The following PIGW variants were observed in gnomAD, a reference collection of about 807,000 sequenced individuals.
PIGW encodes the protein glucosaminyl-phosphatidylinositol-acyltransferase PIGW.
Under a neutral mutation model 34.0 loss-of-function variants are expected in PIGW, and 23 were observed. The observed-to-expected ratio is 0.68, with a 90% CI of 0.49 to 0.96. PIGW has a LOEUF of 0.96. Among genes scored for constraint, PIGW ranks in the 40% least tolerant of loss-of-function variants. The probability of loss-of-function intolerance (pLI) is 0.00; values close to 1 mark genes in which losing one functional copy is unlikely to be tolerated. For missense variants in PIGW, 574 were observed against 586.3 expected (o/e 0.98, Z 0.22); for synonymous variants, 225 against 225.2 (o/e 1.00, Z 0.01).
rs200501473 is a variant in PIGW, at chr17:36,537,492, T to A, written c.391T>A (p.Cys131Ser). 1.9e-6 allele frequency: 3 copies of A among 1,614,218 alleles called. No homozygotes were observed. Among genetic ancestry groups the A allele is most frequent in the East Asian group, 4.5e-5 (2 of 44,884 alleles). Reference sequence around the variant, plus strand: ...ATCAGAATACAATCCAGCCATCTCCTGTTTCCGTGTAATTACCAGTGCGTT... The same window carrying A: ...ATCAGAATACAATCCAGCCATCTCCAGTTTCCGTGTAATTACCAGTGCGTT... Reference protein sequence around the residue: ...LESEYNPAISCFRVITSAFTA... With the variant: ...LESEYNPAISSFRVITSAFTA... Residue 131 changes from cysteine (C) to serine (S), a missense_variant, in exon 2 of 2, where the codon TGT (cysteine) becomes AGT (serine). By Grantham distance (112) the Cys-to-Ser change is moderately radical (BLOSUM62 -1). Transcript: ENST00000614443.
chr17:36,537,140 C>T lies in PIGW; in HGVS notation c.39C>T (p.Asn13=), dbSNP rs2074151207. ...EKQMKEAFVS[N]LNGTTVLEIT... ...AGATGAAGGAAGCTTTTGTCAGTAA[C>T]CTCAATGGAACCACCGTGCTGGAAA... The change falls in exon 2 of 2, where the codon AAC becomes AAT. Residue 13 remains asparagine, a synonymous_variant. Transcript: ENST00000614443. 3.7e-6 allele frequency: 6 copies of T among 1,609,906 alleles called. No individual in the cohort carries two copies. The highest frequency in any genetic ancestry group is 5.1e-6 in the Non-Finnish European group (6 of 1,178,488).
chr17:36,537,257 C>T lies in PIGW; in HGVS notation c.156C>T (p.Thr52=). 1.2e-6 allele frequency: 2 copies of T among 1,614,030 alleles called. No homozygotes were observed. Among genetic ancestry groups the T allele is most frequent in the South Asian group, 1.1e-5 (1 of 91,084 alleles). The change falls in exon 2 of 2, where the codon ACC becomes ACT. Residue 52 remains threonine, a synonymous_variant. Transcript: ENST00000614443. The stretch of plus-strand genomic sequence containing the variant: ...AGTACTTGTGTTCTTTTTCACCTAC[C>T]TGGAAAACTAGATTCCTCACTGACT... The part of the protein sequence containing the change: ...FSQYLCSFSP[T]WKTRFLTDFV...
chr17:36,537,768 A>G lies in PIGW; in HGVS notation c.667A>G (p.Ile223Val), dbSNP rs1005440783. The G allele has an allele frequency of 1.2e-6, 2 of 1,614,066 alleles. No individual in the cohort carries two copies. Among genetic ancestry groups the G allele is most frequent in the African/African-American group, 1.3e-5 (1 of 74,934 alleles). ...CGGACGATTAGCCATTATAAAATCA[A>G]TAGGCTATCAGGAACATTTAACAGA... ...GIGRLAIIKS[I>V]GYQEHLTEYG... The change falls in exon 2 of 2, where the codon ATA (isoleucine) becomes GTA (valine). Residue 223 changes from isoleucine (I) to valine (V), a missense_variant. Coordinates refer to ENST00000614443, the MANE Select transcript of PIGW (RefSeq NM_001346754.2).
At chr17:36,536,025 G>A (rs923121095) in intron 1 of PIGW, among the ~76,000 whole-genome samples, 10 of 152,040 alleles carry the variant, frequency 6.6e-5, no homozygotes, top group African/African-American at 2.4e-4. Context: ...TTCAGCTCAT[G>A]GTACATTTAG....
chr17:36,538,402 T>C lies in PIGW; in HGVS notation c.1301T>C (p.Met434Thr). ...SESLVPEAER[M>T]EPSLCLITAL... ...TCTCTAGTCCCTGAAGCCGAAAGAA[T>C]GGAACCCAGTCTTTGTTTAATCACA... The change falls in exon 2 of 2, where the codon ATG becomes ACG. Residue 434 changes from methionine (M) to threonine (T), a missense_variant. Coordinates refer to ENST00000614443, the MANE Select transcript of PIGW (RefSeq NM_001346754.2). The C allele has an allele frequency of 6.2e-7, 1 of 1,614,150 alleles. No homozygotes were observed.
chr17:36,537,547 TC>T lies in PIGW; in HGVS notation c.449del (p.Pro150HisfsTer22), dbSNP rs760624113. The T allele has an allele frequency of 6.2e-7, 1 of 1,614,218 alleles. No homozygotes were observed. The highest frequency in any genetic ancestry group is 1.1e-5 in the South Asian group (1 of 91,082). ...GCTATTGCTATTTTGGCTGTGGACT[TC>T]CCACTTTTTCCCAGAAGATTTGCCA... ...FTAIAILAVD[F>X]PLFPRRFAKT... On this transcript the variant is annotated frameshift_variant, in exon 2 of 2. Transcript: ENST00000614443. LOFTEE classifies it high-confidence loss of function.
At chr17:36,536,153 A>G (rs1013161505) in intron 1 of PIGW, among the ~76,000 whole-genome samples, 2 of 152,228 alleles carry the variant, frequency 1.3e-5, no homozygotes, top group African/African-American at 2.4e-5. Flanking sequence ...AACTAACACT[A>G]GTATGTGCTA....
rs1443321558 is a variant in PIGW, at chr17:36,537,123, G to A, written c.22G>A (p.Glu8Lys). The change falls in exon 2 of 2, where the codon GAA becomes AAA. Residue 8 changes from glutamate (E) to lysine (K), a missense_variant. Coordinates refer to ENST00000614443, the MANE Select transcript of PIGW (RefSeq NM_001346754.2). ...AAAAATGTCTGAAAAGCAGATGAAG[G>A]AAGCTTTTGTCAGTAACCTCAATGG... MSEKQMK[E>K]AFVSNLNGTT... 1 of 1,593,842 alleles carries A rather than the reference G, an allele frequency of 6.3e-7. No homozygotes were observed. Among genetic ancestry groups the A allele is most frequent in the South Asian group, 1.1e-5 (1 of 87,820 alleles).
rs761430333 is a variant in PIGW, at chr17:36,538,617, TCAG to T, written c.*5_*7del. On this transcript the variant is annotated 3_prime_UTR_variant, in exon 2 of 2. Coordinates refer to ENST00000614443, the MANE Select transcript of PIGW (RefSeq NM_001346754.2). ...AGATAAGACTGTACAATTTTGGTGATCAGCAGGAGTAGGATATATAAGTATTTG... is the reference window on the plus strand; with the variant it reads ...AGATAAGACTGTACAATTTTGGTGATCAGGAGTAGGATATATAAGTATTTG... 5.7e-6 allele frequency: 9 copies of T among 1,576,318 alleles called. No individual in the cohort carries two copies. Among genetic ancestry groups the T allele is most frequent in the East Asian group, 4.5e-5 (2 of 44,532 alleles).
At chr17:36,536,524 CTTTTTTTTTTTT>C (rs10715370) in intron 1 of PIGW, among the ~76,000 whole-genome samples, 1 of 125,532 alleles carries the variant, frequency 8.0e-6, no homozygotes, top group South Asian at 2.5e-4. Flanking sequence ...TTTTCTTTTC[CTTTTTTTTTTTT>C]TTTTTTTGAG....
rs371978705 is a variant in PIGW at position 36,538,580 on chromosome 17, A to C, written c.1479A>C (p.Val493=). 6.8e-6 allele frequency: 11 copies of C among 1,612,644 alleles called. No individual in the cohort carries two copies. The African/African-American group carries it at 1.3e-4, about 20-fold the overall frequency. Reference sequence around the variant, plus strand: ...TTTCCAACTGTTTAATTGTATATGTACTATATTTGCAAGATAAGACTGTAC... The same window carrying C: ...TTTCCAACTGTTTAATTGTATATGTCCTATATTTGCAAGATAAGACTGTAC... ...YMFSNCLIVY[V]LYLQDKTVQF... The change falls in exon 2 of 2, where the codon GTA becomes GTC. Residue 493 remains valine, a synonymous_variant. Coordinates refer to ENST00000614443, the MANE Select transcript of PIGW (RefSeq NM_001346754.2).
intron 1 of PIGW, among the ~76,000 whole-genome samples, chr17:36,536,367 A>T (rs2074122916): frequency 6.6e-6 from 1 of 152,148 alleles, no homozygotes; most frequent in Admixed American, 6.5e-5. Context: ...TAGCGTTTGA[A>T]TTTGCTTTAA....
Position 36,538,714 on chromosome 17 carries a change from T to C in PIGW, c.*98T>C. The C allele has an allele frequency of 9.8e-7, 1 of 1,022,130 alleles. No homozygotes were observed. The highest frequency in any genetic ancestry group is 1.4e-6 in the Non-Finnish European group (1 of 707,080). The allele number at this position is 1,022,130 out of a possible 1,614,324, so 63.3% of individuals were successfully genotyped here. A position where few individuals can be genotyped will look rare whatever the true frequency, so the allele number is the denominator to read the frequency against. On this transcript the variant is annotated 3_prime_UTR_variant, in exon 2 of 2. Coordinates refer to ENST00000614443, the MANE Select transcript of PIGW (RefSeq NM_001346754.2). ...TTTGGCAACAGTGTTAACCATATTT[T>C]ATTATAAAATAGTTTCAGTCATCTA...
chr17:36,538,305 A>C lies in PIGW; in HGVS notation c.1204A>C (p.Ile402Leu). The change falls in exon 2 of 2, where the codon ATT (isoleucine) becomes CTT (leucine). Residue 402 changes from isoleucine (I) to leucine (L), a missense_variant. Physicochemically the swap from Ile to Leu is conservative, Grantham distance 5 (BLOSUM62 2). Coordinates refer to ENST00000614443, the MANE Select transcript of PIGW (RefSeq NM_001346754.2). ...AATTTTGAGTTTTGCCAAATTTCTA[A>C]TTAAAGGAGCTCTAGTACCATGTTC... is the stretch of plus-strand genomic sequence containing the variant. ...DIILSFAKFL[I>L]KGALVPCSWK... The C allele has an allele frequency of 6.2e-7, 1 of 1,613,550 alleles. No homozygotes were observed. Among genetic ancestry groups the C allele is most frequent in the African/African-American group, 1.3e-5 (1 of 74,942 alleles).
At chr17:36,536,410 A>G (rs977868362) in intron 1 of PIGW, among the ~76,000 whole-genome samples, 11 of 152,202 alleles carry the variant, frequency 7.2e-5, no homozygotes, top group African/African-American at 2.7e-4. Context: ...ATTTGCATCA[A>G]AGAATCTTCA....
Position 36,537,804 on chromosome 17 carries a change from C to A in PIGW, c.703C>A (p.His235Asn), listed in dbSNP as rs1016868531. Residue 235 changes from histidine (H) to asparagine (N), a missense_variant, in exon 2 of 2, where the codon CAC becomes AAC. Coordinates refer to ENST00000614443, the MANE Select transcript of PIGW (RefSeq NM_001346754.2). Reference sequence around the variant, plus strand: ...GGAACATTTAACAGAGTATGGAGTTCACTGGAACTTTTTCTTTACCATAAT... The same window carrying A: ...GGAACATTTAACAGAGTATGGAGTTAACTGGAACTTTTTCTTTACCATAAT... The part of the protein sequence containing the change: ...YQEHLTEYGV[H>N]WNFFFTIIVV... 1 of 1,613,990 alleles carries A rather than the reference C, an allele frequency of 6.2e-7. No individual in the cohort carries two copies. The highest frequency in any genetic ancestry group is 1.3e-5 in the African/African-American group (1 of 74,926).
rs1339327326 is a variant in PIGW at position 36,535,309 on chromosome 17, C to T, written c.-292C>T. 6.6e-6 allele frequency: 1 copy of T among 150,682 alleles called. No homozygotes were observed. Among genetic ancestry groups the T allele is most frequent in the Non-Finnish European group, 1.5e-5 (1 of 68,226 alleles). 9.3% of individuals were successfully genotyped at this position (150,682 alleles called of 1,614,324 possible). Reference sequence around the variant, plus strand: ...GTGTGAGGTGCATGGCGCGCCGTTTCCTCTCCAGGCGCTCCTCTCAGGGCT... The same window carrying T: ...GTGTGAGGTGCATGGCGCGCCGTTTTCTCTCCAGGCGCTCCTCTCAGGGCT... On this transcript the variant is annotated 5_prime_UTR_variant, in exon 1 of 2. Transcript: ENST00000614443.
Position 36,538,589 on chromosome 17 carries a change from G to A in PIGW, c.1488G>A (p.Leu496=). The change falls in exon 2 of 2, where the codon TTG becomes TTA. Residue 496 remains leucine (L), a synonymous_variant. Transcript: ENST00000614443. ...SNCLIVYVLY[L]QDKTVQFW is the part of the protein sequence containing the mutation. The stretch of plus-strand genomic sequence containing the variant: ...GTTTAATTGTATATGTACTATATTT[G>A]CAAGATAAGACTGTACAATTTTGGT... 6.2e-7 allele frequency: 1 copy of A among 1,611,590 alleles called. No homozygotes were observed. Among genetic ancestry groups the A allele is most frequent in the Non-Finnish European group, 8.5e-7 (1 of 1,178,316 alleles).
chr17:36,538,554 T>C lies in PIGW; in HGVS notation c.1453T>C (p.Phe485Leu). The C allele has an allele frequency of 6.2e-7, 1 of 1,613,780 alleles. No individual in the cohort carries two copies. Among genetic ancestry groups the C allele is most frequent in the Non-Finnish European group, 8.5e-7 (1 of 1,179,748 alleles). The change falls in exon 2 of 2, where the codon TTT becomes CTT. Residue 485 changes from phenylalanine (F) to leucine (L), a missense_variant. Phe to Leu is a conservative substitution (Grantham distance 22, BLOSUM62 0). Transcript: ENST00000614443. The stretch of plus-strand genomic sequence containing the variant: ...CTTATTTGTGGTCAATCTCTATATG[T>C]TTTCCAACTGTTTAATTGTATATGT... ...WALFVVNLYM[F>L]SNCLIVYVLY...
Sources: allele counts gnomAD v4.1 joint callset (sites outside exome capture counted in the v4.1 genomes callset), GRCh38; gene constraint gnomAD v4.1.1; transcripts MANE v1.5; gene names NCBI Gene and HGNC (gene_info 2026-07-23, HGNC 2026-07-21).